The following ZBTB16 variants were observed in gnomAD, a reference collection of about 807,000 sequenced individuals.
ZBTB16 encodes zinc finger and BTB domain containing 16.
A neutral mutation model predicts 56.8 loss-of-function variants in ZBTB16; 8 were observed. The ratio of observed to expected loss-of-function variants is 0.14; its 90% CI spans 0.08 to 0.25. The LOEUF (loss-of-function observed/expected upper bound fraction) is 0.25. Among genes scored for constraint, ZBTB16 ranks in the 10% least tolerant of loss-of-function variants. The probability of loss-of-function intolerance (pLI) is 1.00; values close to 1 mark genes in which losing one functional copy is unlikely to be tolerated. For missense variants in ZBTB16, 625 were observed against 903.0 expected, an observed-to-expected ratio of 0.69 and a Z score of 3.95; for synonymous variants, 363 against 368.5, an observed-to-expected ratio of 0.98 and a Z score of 0.17.
intron 2 of ZBTB16, among the ~76,000 whole-genome samples, chr11:114,150,729 A>G (rs1942259391): frequency 6.6e-6 from 1 of 152,218 alleles, no homozygotes. Context: ...GCCCATTGCT[A>G]AAGTACATAA....
At chr11:114,144,653 CA>C (rs1391153156) in intron 2 of ZBTB16, among the ~76,000 whole-genome samples, 2 of 152,242 alleles carry the variant, frequency 1.3e-5, no homozygotes, top group African/African-American at 4.8e-5. Context: ...GTCTTCTCAG[CA>C]GGTTCCAGCA....
At chr11:114,065,842 G>A (rs562025628) in intron 2 of ZBTB16, among the ~76,000 whole-genome samples, 16 of 152,200 alleles carry the variant, frequency 1.1e-4, no homozygotes, top group Non-Finnish European at 1.3e-4. Context: ...GTACTTTGCT[G>A]CCTCTTGGAG....
intron 3 of ZBTB16, among the ~76,000 whole-genome samples, chr11:114,166,575 C>G (rs1942764373): frequency 6.6e-6 from 1 of 152,106 alleles, no homozygotes; most frequent in African/African-American, 2.4e-5. Flanking sequence ...CCGCACAGAC[C>G]ATTACCTTGA....
At chr11:114,099,014 A>G (rs1425133925) in intron 2 of ZBTB16, among the ~76,000 whole-genome samples, 2 of 152,216 alleles carry the variant, frequency 1.3e-5, no homozygotes, top group Non-Finnish European at 2.9e-5. Flanking sequence ...TCAGTAAATT[A>G]CATATTAAAG....
intron 2 of ZBTB16, among the ~76,000 whole-genome samples, chr11:114,081,774 C>T (rs935890294): frequency 1.3e-5 from 2 of 152,032 alleles, no homozygotes; most frequent in Non-Finnish European, 2.9e-5. Context: ...TGGTCAGGGC[C>T]AGGGGAGAAA....
In ZBTB16 at chr11:114,075,679, C is replaced by A. The variant is rs369509650; in HGVS notation, c.1268+11111C>A. On this transcript the variant is annotated intron_variant, in intron 2 of 6. Transcript: ENST00000335953. ...AGAGATGGGGTTTCGCCATGTTGGCCAGGCTGGTCTTGAACTCCCGACCTC... is the reference window on the plus strand; with the variant it reads ...AGAGATGGGGTTTCGCCATGTTGGCAAGGCTGGTCTTGAACTCCCGACCTC... Among the ~76,000 whole-genome samples the A allele has an allele frequency of 5.0e-3, 741 of 149,388 alleles. 10 individuals carry two copies. The highest frequency in any genetic ancestry group is 0.018 in the African/African-American group (690 of 39,108).
chr11:114,095,513 G>A (rs1341629757), intron 2 of ZBTB16, among the ~76,000 whole-genome samples: 1 of 152,078 alleles, frequency 6.6e-6, no homozygotes, highest in Non-Finnish European at 1.5e-5. Context: ...GCCCGCCTTG[G>A]CCTCCCACAG....
rs1250341636 is a variant in ZBTB16 at position 114,233,081 on chromosome 11, G to GCGCA, written c.1454-9085_1454-9084insGCAC. Among the ~76,000 whole-genome samples, 373 of 87,504 alleles carry GCGCA rather than the reference G, an allele frequency of 4.3e-3. 1 individual carries two copies. The highest frequency in any genetic ancestry group is 7.8e-3 in the South Asian group (16 of 2,050). 57.4% of individuals were successfully genotyped at this position (87,504 alleles called of 152,430 possible). A position where few individuals can be genotyped will look rare whatever the true frequency, so the allele number is the denominator to read the frequency against. ...CACATACGCATGCGCGCGCGCGCGC[G>GCGCA]CACACACACACACACACACACACAC... is the stretch of plus-strand genomic sequence containing the variant. On this transcript the variant is annotated intron_variant, in intron 4 of 6. Transcript: ENST00000335953.
At position 114,134,358 on chromosome 11, in the gene ZBTB16, C is replaced by CT. The variant is rs201741987; in HGVS notation, c.1269-21976dup. On this transcript the variant is annotated intron_variant, in intron 2 of 6. Transcript: ENST00000335953. Reference sequence around the variant, plus strand: ...TTCGTACTGGGCCTTTTCTTTCTTTCTTTCTTTTTTCTTTTGTACTTTTTG... The same window carrying CT: ...TTCGTACTGGGCCTTTTCTTTCTTTCTTTTCTTTTTTCTTTTGTACTTTTTG... Among the ~76,000 whole-genome samples, 18 of 151,748 alleles carry CT rather than the reference C, an allele frequency of 1.2e-4. No individual in the cohort carries two copies. In the East Asian group the frequency reaches 2.1e-3, roughly 18 times the overall value.
chr11:114,183,989 C>G (rs1186023270), intron 3 of ZBTB16, among the ~76,000 whole-genome samples: 1 of 152,218 alleles, frequency 6.6e-6, no homozygotes, highest in Non-Finnish European at 1.5e-5. Flanking sequence ...GAAGGGACAC[C>G]CAGAGGTCAC....
At chr11:114,103,017 G>T (rs1591668153) in intron 2 of ZBTB16, among the ~76,000 whole-genome samples, 4 of 152,214 alleles carry the variant, frequency 2.6e-5, no homozygotes, top group African/African-American at 9.6e-5. Context: ...AACATTAAAA[G>T]AACCTTATTT....
intron 2 of ZBTB16, among the ~76,000 whole-genome samples, chr11:114,093,916 T>C (rs1175906711): frequency 6.6e-6 from 1 of 152,254 alleles, no homozygotes; most frequent in Non-Finnish European, 1.5e-5. Context: ...TCAACGGACA[T>C]TTTTTCTTTC....
At chr11:114,186,483 C>T (rs1943363357) in intron 3 of ZBTB16, among the ~76,000 whole-genome samples, 1 of 152,100 alleles carries the variant, frequency 6.6e-6, no homozygotes, top group Admixed American at 6.5e-5. Flanking sequence ...AGTTGGGGGA[C>T]AGACGATGAG....
At chr11:114,174,292 A>G (rs555017215) in intron 3 of ZBTB16, among the ~76,000 whole-genome samples, 3 of 149,168 alleles carry the variant, frequency 2.0e-5, no homozygotes, top group South Asian at 2.1e-4. Flanking sequence ...TGGGCTTCCC[A>G]TGCTGCCATT....
rs548938283 is a variant in ZBTB16 at position 114,252,359 on chromosome 11, A to G, written c.*1804A>G. Among the ~76,000 whole-genome samples the G allele has an allele frequency of 2.6e-5, 3 of 113,322 alleles. No homozygotes were observed. The highest frequency in any genetic ancestry group is 1.3e-4 in the Admixed American group (1 of 7,684). The allele number at this position is 113,322 out of a possible 152,430, so 74.3% of individuals were successfully genotyped here. On this transcript the variant is annotated 3_prime_UTR_variant, in exon 7 of 7. Transcript: ENST00000335953. ...GCATTCTCATTGCCAGAATTGGTCT[A>G]TTTTCACGGCTGGTCTTTGGGGAGG...
chr11:114,242,118 AC>A (rs779969597), intron 4 of ZBTB16, 48 bp from the exon 5 acceptor site: 2 of 1,610,186 alleles, frequency 1.2e-6, no homozygotes, highest in South Asian at 2.2e-5. Flanking sequence ...TAAAGAATGC[AC>A]CTTGTATTCC....
intron 4 of ZBTB16, among the ~76,000 whole-genome samples, chr11:114,207,324 C>A (rs75707676): frequency 1.3e-5 from 2 of 152,118 alleles, no homozygotes; most frequent in African/African-American, 4.8e-5. Context: ...GGGGCTCAGA[C>A]ATGGATGTAT....
At chr11:114,124,661 C>G (rs1163183177) in intron 2 of ZBTB16, among the ~76,000 whole-genome samples, 2 of 151,870 alleles carry the variant, frequency 1.3e-5, no homozygotes, top group African/African-American at 2.4e-5. Context: ...ACTGGCAAAT[C>G]AGCATCTCTT....
intron 4 of ZBTB16, among the ~76,000 whole-genome samples, chr11:114,227,199 G>A (rs1366366796): frequency 6.6e-6 from 1 of 152,178 alleles, no homozygotes; most frequent in Non-Finnish European, 1.5e-5. Flanking sequence ...CTGCAGGAAA[G>A]TCCTGGGGCC....
Sources: allele counts gnomAD v4.1 joint callset (sites outside exome capture counted in the v4.1 genomes callset), GRCh38; gene constraint gnomAD v4.1.1; transcripts MANE v1.5; gene names NCBI Gene and HGNC (gene_info 2026-07-23, HGNC 2026-07-21).